Variants in RTRAF observed in about 807,000 individuals in gnomAD.
RTRAF encodes tRNA-splicing ligase complex subunit RTRAF.
RTRAF carries 14 observed loss-of-function variants against 34.4 expected under a neutral mutation model. The observed-to-expected ratio is 0.41, with a 90% CI of 0.27 to 0.64. RTRAF has a LOEUF of 0.64. Among genes scored for constraint, RTRAF ranks in the 30% least tolerant of loss-of-function variants. The pLI is 0.34. For missense variants in RTRAF, 291 were observed against 288.4 expected (o/e 1.01, Z -0.06); for synonymous variants, 96 against 95.3 (o/e 1.01, Z -0.04).
Position 52,008,143 on chromosome 14 carries a change from G to C in RTRAF, c.*3627G>C, listed in dbSNP as rs193166898. On this transcript the variant is annotated 3_prime_UTR_variant, in exon 8 of 8. Coordinates refer to ENST00000261700, the MANE Select transcript of RTRAF (RefSeq NM_016039.3). ...TTCTAGTGCATAGAGTATAGCAGAAGTGATAGGCTATCACTGCCGATATTC... is the reference window on the plus strand; with the variant it reads ...TTCTAGTGCATAGAGTATAGCAGAACTGATAGGCTATCACTGCCGATATTC... 128 of 523,152 alleles carry C rather than the reference G, an allele frequency of 2.4e-4. No homozygotes were observed. Among genetic ancestry groups the C allele is most frequent in the African/African-American group, 2.3e-3 (119 of 51,252 alleles). 32.4% of individuals were successfully genotyped at this position (523,152 alleles called of 1,614,324 possible).
intron 2 of RTRAF, 116 bp from the exon 3 acceptor site, chr14:51,993,607 G>A (rs1890469991): frequency 1.5e-6 from 1 of 645,650 alleles, no homozygotes; most frequent in South Asian, 1.8e-5. Flanking sequence ...GTGTAGTAAT[G>A]TTATTAAAAA....
At position 51,992,230 on chromosome 14, in the gene RTRAF, C is replaced by A. The variant is rs149100258; in HGVS notation, c.186+789C>A. ...ATTAGAATAAAAATGCTTTTAGTGTCATTTCTTACATTAAACATTTTCATC... is the reference window on the plus strand; with the variant it reads ...ATTAGAATAAAAATGCTTTTAGTGTAATTTCTTACATTAAACATTTTCATC... On this transcript the variant is annotated intron_variant, in intron 2 of 7. Transcript: ENST00000261700. 6.4e-3 allele frequency among the ~76,000 whole-genome samples: 980 copies of A among 152,244 alleles called. 3 individuals are homozygous for A. The highest frequency in any genetic ancestry group is 9.9e-3 in the Non-Finnish European group (673 of 68,002).
At chr14:51,999,658 T>C (rs1399554769) in intron 4 of RTRAF, 50 bp from the exon 5 acceptor site, 1 of 1,251,840 alleles carries the variant, frequency 8.0e-7, no homozygotes, top group Non-Finnish European at 1.2e-6. Context: ...ATGTTTGTAA[T>C]TATACGTTTG....
intron 1 of RTRAF, among the ~76,000 whole-genome samples, chr14:51,990,546 G>A (rs1257106177): frequency 6.6e-6 from 1 of 152,206 alleles, no homozygotes; most frequent in African/African-American, 2.4e-5. Flanking sequence ...TAAGCAGGAT[G>A]ACAGTGTTTT....
At position 52,009,372 on chromosome 14, in the gene RTRAF, G is replaced by A. The variant is rs1430186651; in HGVS notation, c.*4856G>A. ...AATTATTTGGGGATTGCCAGAGGAA[G>A]AAAGTTGTAAAGGTGAAATCTATAG... On this transcript the variant is annotated 3_prime_UTR_variant, in exon 8 of 8. Coordinates refer to ENST00000261700, the MANE Select transcript of RTRAF (RefSeq NM_016039.3). The A allele has an allele frequency of 1.3e-5, 2 of 152,232 alleles. No homozygotes were observed. Among genetic ancestry groups the A allele is most frequent in the Non-Finnish European group, 2.9e-5 (2 of 68,042 alleles). 9.4% of individuals were successfully genotyped at this position (152,232 alleles called of 1,614,324 possible).
intron 3 of RTRAF, among the ~76,000 whole-genome samples, chr14:51,996,256 TTTG>T (rs1890520013): frequency 6.6e-6 from 1 of 152,156 alleles, no homozygotes; most frequent in Admixed American, 6.5e-5. Flanking sequence ...GAAAACAAGT[TTTG>T]TTTATTAAAA....
chr14:52,004,257 TTAAATTCAAAC>T lies in RTRAF; in HGVS notation c.580+18_580+28del. On this transcript the variant is annotated intron_variant, in intron 7 of 7. Coordinates refer to ENST00000261700, the MANE Select transcript of RTRAF (RefSeq NM_016039.3). ...TGACACAGGAGGTAAGTGATTTTGT[TTAAATTCAAAC>T]TATTTTTTTTACAGACTGAATACTT... 3.7e-6 allele frequency: 6 copies of T among 1,612,924 alleles called. No individual in the cohort carries two copies. Among genetic ancestry groups the T allele is most frequent in the Non-Finnish European group, 5.1e-6 (6 of 1,179,404 alleles).
At chr14:51,994,249 A>G (rs1001071194) in intron 3 of RTRAF, among the ~76,000 whole-genome samples, 1 of 152,224 alleles carries the variant, frequency 6.6e-6, no homozygotes, top group Admixed American at 6.5e-5. Flanking sequence ...TAGCACAGAT[A>G]CTTCTATGGT....
rs1015194863 is a variant in RTRAF at position 52,010,621 on chromosome 14, A to G, written c.*6105A>G. The G allele has an allele frequency of 1.8e-4, 63 of 357,078 alleles. No homozygotes were observed. The highest frequency in any genetic ancestry group is 8.9e-4 in the African/African-American group (44 of 49,544). The allele number at this position is 357,078 out of a possible 1,614,324, so 22.1% of individuals were successfully genotyped here. The stretch of plus-strand genomic sequence containing the variant: ...TCACAACACTATCTGAATTTTCTAC[A>G]TATCACATCACAGACTAATATTGTT... On this transcript the variant is annotated 3_prime_UTR_variant, in exon 8 of 8. Transcript: ENST00000261700.
Position 52,006,833 on chromosome 14 carries a change from G to A in RTRAF, c.*2317G>A. ...TCCTATTACTAGTCTCCAGTTTTTA[G>A]TAGAGATTCAAACTTTCAATCCTTT... On this transcript the variant is annotated 3_prime_UTR_variant, in exon 8 of 8. Coordinates refer to ENST00000261700, the MANE Select transcript of RTRAF (RefSeq NM_016039.3). The A allele has an allele frequency of 5.5e-6, 3 of 541,688 alleles. No homozygotes were observed. Among genetic ancestry groups the A allele is most frequent in the Non-Finnish European group, 6.2e-6 (2 of 321,998 alleles). 33.6% of individuals were successfully genotyped at this position (541,688 alleles called of 1,614,324 possible). A position where few individuals can be genotyped will look rare whatever the true frequency, so the allele number is the denominator to read the frequency against.
chr14:52,000,427 G>C (rs1394943414), intron 5 of RTRAF, among the ~76,000 whole-genome samples: 1 of 152,116 alleles, frequency 6.6e-6, no homozygotes, highest in East Asian at 1.9e-4. Flanking sequence ...TTTATTCCTA[G>C]TAATCGTGAA....
At chr14:52,003,776 C>A (rs943025758) in intron 6 of RTRAF, among the ~76,000 whole-genome samples, 1 of 152,154 alleles carries the variant, frequency 6.6e-6, no homozygotes. Context: ...TTTGTAAAGA[C>A]AAATTAATGT....
intron 3 of RTRAF, 28 bp from the exon 4 acceptor site, chr14:51,998,466 C>A (rs771877315): frequency 4.3e-6 from 6 of 1,390,936 alleles, no homozygotes; most frequent in Non-Finnish European, 5.9e-6. Context: ...TGCAGTTGTA[C>A]AAATTATATT....
At chr14:52,003,035 T>C (rs1890626983) in intron 6 of RTRAF, among the ~76,000 whole-genome samples, 1 of 152,266 alleles carries the variant, frequency 6.6e-6, no homozygotes, top group African/African-American at 2.4e-5. Context: ...AACTATGCTT[T>C]GGAAGGCAGT....
rs1890434744 is a variant in RTRAF at position 51,991,537 on chromosome 14, G to A, written c.186+96G>A. On this transcript the variant is annotated intron_variant, in intron 2 of 7. Coordinates refer to ENST00000261700, the MANE Select transcript of RTRAF (RefSeq NM_016039.3). Reference sequence around the variant, plus strand: ...TACTTTCTTCTTTTAAGAAAAAAATGATAATGATCAGTGTTAGGAAAGCTG... The same window carrying A: ...TACTTTCTTCTTTTAAGAAAAAAATAATAATGATCAGTGTTAGGAAAGCTG... 6.5e-6 allele frequency: 9 copies of A among 1,390,362 alleles called. No homozygotes were observed. The Admixed American group carries it at 1.1e-4, about 17-fold the overall frequency. 86.1% of individuals were successfully genotyped at this position (1,390,362 alleles called of 1,614,324 possible). A position where few individuals can be genotyped will look rare whatever the true frequency, so the allele number is the denominator to read the frequency against.
At chr14:51,990,674 T>C (rs775362652) in intron 1 of RTRAF, among the ~76,000 whole-genome samples, 34 of 152,236 alleles carry the variant, frequency 2.2e-4, no homozygotes, top group Non-Finnish European at 3.4e-4. Context: ...TCAATGTTCT[T>C]ATCTGTAAAA....
chr14:52,006,482 G>C lies in RTRAF; in HGVS notation c.*1966G>C. On this transcript the variant is annotated 3_prime_UTR_variant, in exon 8 of 8. Coordinates refer to ENST00000261700, the MANE Select transcript of RTRAF (RefSeq NM_016039.3). ...ACTGACTTTTGGTAAAACAAGTGGT[G>C]TGTCCTCTGGAACAGTTGGCCTTTT... 1 of 1,605,574 alleles carries C rather than the reference G, an allele frequency of 6.2e-7. No homozygotes were observed. Among genetic ancestry groups the C allele is most frequent in the Non-Finnish European group, 8.5e-7 (1 of 1,174,808 alleles).
rs1890686381 is a variant in RTRAF, at chr14:52,004,714, A to ATGTT, written c.*201_*204dup. The ATGTT allele has an allele frequency of 2.0e-6, 1 of 495,760 alleles. No individual in the cohort carries two copies. Among genetic ancestry groups the ATGTT allele is most frequent in the South Asian group, 3.7e-5 (1 of 26,802 alleles). The allele number at this position is 495,760 out of a possible 1,614,324, so 30.7% of individuals were successfully genotyped here. A position where few individuals can be genotyped will look rare whatever the true frequency, so the allele number is the denominator to read the frequency against. On this transcript the variant is annotated 3_prime_UTR_variant, in exon 8 of 8. Coordinates refer to ENST00000261700, the MANE Select transcript of RTRAF (RefSeq NM_016039.3). Reference sequence around the variant, plus strand: ...AAGTAGAATTTTTATTATGTACTGTATGTTTGCATAAATCACCTTTCTCCT... The same window carrying ATGTT: ...AAGTAGAATTTTTATTATGTACTGTATGTTTGTTTGCATAAATCACCTTTCTCCT...
chr14:52,005,909 T>C lies in RTRAF; in HGVS notation c.*1393T>C, dbSNP rs111696676. The C allele has an allele frequency of 2.3e-5, 25 of 1,088,140 alleles. No homozygotes were observed. The highest frequency in any genetic ancestry group is 6.5e-5 in the Admixed American group (3 of 46,464). The allele number at this position is 1,088,140 out of a possible 1,614,324, so 67.4% of individuals were successfully genotyped here. ...GTCATTTACTAGATAAAGAAGTCAG[T>C]CAGCCACAGAAAATCAGTTGCAATA... On this transcript the variant is annotated 3_prime_UTR_variant, in exon 8 of 8. Coordinates refer to ENST00000261700, the MANE Select transcript of RTRAF (RefSeq NM_016039.3).
Sources: allele counts gnomAD v4.1 joint callset (sites outside exome capture counted in the v4.1 genomes callset), GRCh38; gene constraint gnomAD v4.1.1; transcripts MANE v1.5; gene names NCBI Gene and HGNC (gene_info 2026-07-23, HGNC 2026-07-21).